Variants in RUSC2 observed in about 807,000 individuals in gnomAD.
RUSC2 encodes AP-4 complex accessory subunit RUSC2.
RUSC2 carries 34 observed loss-of-function variants against 122.2 expected under a neutral mutation model. The ratio of observed to expected loss-of-function variants is 0.28; its 90% CI spans 0.21 to 0.37. RUSC2 has a LOEUF of 0.37. RUSC2 is among the 10% of genes least tolerant of loss of function. The probability of loss-of-function intolerance (pLI) is 1.00; values close to 1 mark genes in which losing one functional copy is unlikely to be tolerated. For missense variants in RUSC2, 1,747 were observed against 1,952.4 expected (o/e 0.89, Z 1.98); for synonymous variants, 784 against 790.0 (o/e 0.99, Z 0.13).
intron 1 of RUSC2, among the ~76,000 whole-genome samples, chr9:35,501,714 C>T (rs151188972): frequency 3.9e-5 from 6 of 152,262 alleles, no homozygotes; most frequent in South Asian, 4.1e-4. Context: ...AACCATGGTT[C>T]GAGAGACATG....
In RUSC2 at chr9:35,498,161, T is replaced by G. The variant is rs908804774; in HGVS notation, c.-93+7989T>G. ...AACAGAGATAATTTTAGTTTTGGTT[T>G]TTTTTTTTTCCCAATTTGTATGCCT... On this transcript the variant is annotated intron_variant, in intron 1 of 11. Coordinates refer to ENST00000361226, the MANE Select transcript of RUSC2 (RefSeq NM_014806.5). 4.6e-4 allele frequency among the ~76,000 whole-genome samples: 41 copies of G among 89,754 alleles called. No homozygotes were observed. The South Asian group carries it at 0.015, about 32-fold the overall frequency. 58.9% of individuals were successfully genotyped at this position (89,754 alleles called of 152,430 possible). A position where few individuals can be genotyped will look rare whatever the true frequency, so the allele number is the denominator to read the frequency against.
At chr9:35,537,067 T>C (rs966701078) in intron 1 of RUSC2, among the ~76,000 whole-genome samples, 2 of 152,174 alleles carry the variant, frequency 1.3e-5, no homozygotes, top group Non-Finnish European at 2.9e-5. Context: ...TGGAAAATAA[T>C]TTGATCTTTC....
chr9:35,537,885 G>A (rs182232301), intron 1 of RUSC2, among the ~76,000 whole-genome samples: 13 of 152,310 alleles, frequency 8.5e-5, no homozygotes, highest in African/African-American at 2.4e-4. Context: ...CAAAGTGGAC[G>A]GAGACCTCAC....
intron 2 of RUSC2, among the ~76,000 whole-genome samples, chr9:35,551,422 G>T (rs774352826): frequency 1.3e-5 from 2 of 152,148 alleles, no homozygotes; most frequent in Non-Finnish European, 2.9e-5. Flanking sequence ...GCTGTCCTTG[G>T]GGTGGGCATG....
chr9:35,536,808 C>CAAAAAAAAAAAAAAAA (rs67604535), intron 1 of RUSC2, among the ~76,000 whole-genome samples: 1 of 69,620 alleles, frequency 1.4e-5, no homozygotes. Context: ...GAGTGAAACT[C>CAAAAAAAAAAAAAAAA]AAAAAAAAAA....
At chr9:35,554,605 G>T (rs555580274) in intron 2 of RUSC2, among the ~76,000 whole-genome samples, 1 of 152,230 alleles carries the variant, frequency 6.6e-6, no homozygotes, top group African/African-American at 2.4e-5. Context: ...GAAGTCATCG[G>T]AAAAAAGGAG....
At chr9:35,495,504 C>G (rs1219095260) in intron 1 of RUSC2, among the ~76,000 whole-genome samples, 1 of 151,558 alleles carries the variant, frequency 6.6e-6, no homozygotes, top group African/African-American at 2.4e-5. Context: ...TTTCTGGGCT[C>G]TCTAGTCTCT....
intron 1 of RUSC2, among the ~76,000 whole-genome samples, chr9:35,530,030 C>A (rs1821390823): frequency 6.6e-6 from 1 of 152,172 alleles, no homozygotes; most frequent in African/African-American, 2.4e-5. Context: ...CCACTCACCG[C>A]AACCTCTGCT....
At chr9:35,538,107 T>C (rs1395308184) in intron 1 of RUSC2, among the ~76,000 whole-genome samples, 1 of 152,164 alleles carries the variant, frequency 6.6e-6, no homozygotes, top group Non-Finnish European at 1.5e-5. Flanking sequence ...TCCTGGCCTC[T>C]CAGCCTGGCT....
intron 1 of RUSC2, among the ~76,000 whole-genome samples, chr9:35,499,480 G>A (rs1369294464): frequency 6.6e-6 from 1 of 152,110 alleles, no homozygotes; most frequent in Non-Finnish European, 1.5e-5. Context: ...AAATGAGATG[G>A]TAAACTCTGA....
At chr9:35,521,795 G>A (rs568497161) in intron 1 of RUSC2, among the ~76,000 whole-genome samples, 7 of 152,362 alleles carry the variant, frequency 4.6e-5, no homozygotes, top group African/African-American at 1.2e-4. Flanking sequence ...CCAGCATGCC[G>A]TCTGGCCTCA....
At chr9:35,534,244 A>G (rs1317254134) in intron 1 of RUSC2, among the ~76,000 whole-genome samples, 3 of 151,962 alleles carry the variant, frequency 2.0e-5, no homozygotes, top group East Asian at 1.9e-4. Flanking sequence ...GTACTTGTTG[A>G]CCATTTGTGT....
rs1820534634 is a variant in RUSC2 at position 35,490,136 on chromosome 9, GC to G, written c.-127del. 1 of 156,884 alleles carries G rather than the reference GC, an allele frequency of 6.4e-6. No individual in the cohort carries two copies. Among genetic ancestry groups the G allele is most frequent in the Non-Finnish European group, 1.4e-5 (1 of 71,400 alleles). 9.7% of individuals were successfully genotyped at this position (156,884 alleles called of 1,614,324 possible). On this transcript the variant is annotated 5_prime_UTR_variant, in exon 1 of 12. Transcript: ENST00000361226. ...GAGACACGCCGCCGCCGCCGCCGCC[GC>G]CGGCGCGGAAGGACGAGGCTGAGGC...
chr9:35,542,661 GCA>G (rs1821663732), intron 1 of RUSC2, among the ~76,000 whole-genome samples: 1 of 152,202 alleles, frequency 6.6e-6, no homozygotes, highest in Non-Finnish European at 1.5e-5. Flanking sequence ...TGTGTTCCAA[GCA>G]CAGAGTTCAC....
rs1293591868 is a variant in RUSC2 at position 35,560,497 on chromosome 9, T to C, written c.3857T>C (p.Ile1286Thr). The part of the protein sequence containing the change: ...QSSQVYIDGS[I>T]EGSRFPRGSS... The stretch of plus-strand genomic sequence containing the variant: ...TCCCAGGTCTACATCGATGGCTCCA[T>C]TGAGGGTTCCAGGTTCCCTCGTGGT... Residue 1286 changes from isoleucine to threonine, a missense_variant, in exon 10 of 12, where the codon ATT becomes ACT. By Grantham distance (89) the Ile-to-Thr change is moderately conservative. Coordinates refer to ENST00000361226, the MANE Select transcript of RUSC2 (RefSeq NM_014806.5). 1.9e-6 allele frequency: 3 copies of C among 1,614,152 alleles called. No homozygotes were observed. Among genetic ancestry groups the C allele is most frequent in the East Asian group, 2.2e-5 (1 of 44,876 alleles).
intron 1 of RUSC2, among the ~76,000 whole-genome samples, chr9:35,509,347 A>C (rs558532127): frequency 6.6e-6 from 1 of 152,262 alleles, no homozygotes; most frequent in Admixed American, 6.5e-5. Context: ...AAATAATTAG[A>C]TCTTTTAAGG....
chr9:35,508,930 C>T (rs1007764587), intron 1 of RUSC2, among the ~76,000 whole-genome samples: 2 of 152,114 alleles, frequency 1.3e-5, no homozygotes, highest in Non-Finnish European at 2.9e-5. Context: ...CAGCACCCAG[C>T]ATAACAAATA....
chr9:35,547,806 C>A lies in RUSC2; in HGVS notation c.1285C>A (p.Pro429Thr), dbSNP rs752994761. ...CTCTGAGGAACACACCAAGATAAGT[C>A]CCCCACCAGGCCCTGGCCCAGACCC... Reference protein sequence around the residue: ...SCSEEHTKISPPPGPGPDPGP... With the variant: ...SCSEEHTKISTPPGPGPDPGP... Residue 429 changes from proline to threonine, a missense_variant, in exon 2 of 12, where the codon CCC (proline) becomes ACC (threonine). Pro to Thr is a conservative substitution (Grantham distance 38, BLOSUM62 -1). Coordinates refer to ENST00000361226, the MANE Select transcript of RUSC2 (RefSeq NM_014806.5). This position sits in a 1 kb window ranked among gnomAD's most constrained non-coding sequence, Gnocchi z 4.6. 2 of 1,614,178 alleles carry A rather than the reference C, an allele frequency of 1.2e-6. No homozygotes were observed. Among genetic ancestry groups the A allele is most frequent in the South Asian group, 2.2e-5 (2 of 91,086 alleles).
chr9:35,518,855 T>C (rs1415465929), intron 1 of RUSC2, among the ~76,000 whole-genome samples: 1 of 152,246 alleles, frequency 6.6e-6, no homozygotes, highest in Non-Finnish European at 1.5e-5. Flanking sequence ...CTGGGACTTA[T>C]GACTGATAAG....
Sources: allele counts gnomAD v4.1 joint callset (sites outside exome capture counted in the v4.1 genomes callset), GRCh38; gene constraint gnomAD v4.1.1; non-coding constraint Gnocchi (gnomAD v3.1); transcripts MANE v1.5; gene names NCBI Gene and HGNC (gene_info 2026-07-23, HGNC 2026-07-21).